TOX2: variants seen among roughly 807,000 people sequenced by gnomAD.
The protein encoded by TOX2 is TOX high mobility group box family member 2.
TOX2 carries 15 observed loss-of-function variants against 47.4 expected under a neutral mutation model. The ratio of observed to expected loss-of-function variants is 0.32; its 90% CI spans 0.21 to 0.49. The LOEUF (loss-of-function observed/expected upper bound fraction) is 0.49, where lower values mean the gene tolerates loss of function less well. Among genes scored for constraint, TOX2 ranks in the 20% least tolerant of loss-of-function variants. TOX2 has a pLI of 0.99. For missense variants in TOX2, 622 were observed against 673.1 expected (o/e 0.92, Z 0.84); for synonymous variants, 290 against 296.6 (o/e 0.98, Z 0.23).
At chr20:44,023,450 A>AAAAT (rs2071009785) in intron 3 of TOX2, among the ~76,000 whole-genome samples, 1 of 151,142 alleles carries the variant, frequency 6.6e-6, no homozygotes, top group Non-Finnish European at 1.5e-5. Flanking sequence ...AAAAAAAAAA[A>AAAAT]GGAGGGAAAG....
chr20:43,944,825 C>T (rs577182911), intron 1 of TOX2, among the ~76,000 whole-genome samples: 5 of 152,302 alleles, frequency 3.3e-5, no homozygotes, highest in Admixed American at 3.3e-4. Flanking sequence ...GTACTATTAT[C>T]CCCATTTTAC....
At position 44,068,961 on chromosome 20, in the gene TOX2, G is replaced by A. The variant is rs928719555; in HGVS notation, c.*275G>A. 8.3e-6 allele frequency: 5 copies of A among 604,670 alleles called. No individual in the cohort carries two copies. The highest frequency in any genetic ancestry group is 9.4e-6 in the Non-Finnish European group (3 of 319,880). 37.5% of individuals were successfully genotyped at this position (604,670 alleles called of 1,614,324 possible). The stretch of plus-strand genomic sequence containing the variant: ...ACTGTGGACCCTGTCCTCGCCCTGC[G>A]CACGGTACCCTATGTCTGGACACCC... On this transcript the variant is annotated 3_prime_UTR_variant, in exon 9 of 9. Coordinates refer to ENST00000341197, the MANE Select transcript of TOX2 (RefSeq NM_001098797.2).
At chr20:44,066,989 G>A (rs1172625778) in intron 8 of TOX2, 132 bp downstream of exon 8, 2 of 1,316,112 alleles carry the variant, frequency 1.5e-6, no homozygotes, top group East Asian at 2.5e-5. Flanking sequence ...GCCCTGCTGA[G>A]GGGATCGATA....
At chr20:43,927,855 G>C (rs983198422) in intron 1 of TOX2, among the ~76,000 whole-genome samples, 3 of 144,374 alleles carry the variant, frequency 2.1e-5, no homozygotes, top group Admixed American at 7.2e-5. Flanking sequence ...GCAAGGCTTT[G>C]TGGTAGGTGC....
chr20:44,018,536 A>G (rs1334786737), intron 3 of TOX2, among the ~76,000 whole-genome samples: 2 of 152,186 alleles, frequency 1.3e-5, no homozygotes, highest in Non-Finnish European at 2.9e-5. Context: ...CTGAGAAGCC[A>G]TCTTTGGCTC....
intron 2 of TOX2, among the ~76,000 whole-genome samples, chr20:43,992,288 G>A (rs2070381992): frequency 6.6e-6 from 1 of 152,200 alleles, no homozygotes; most frequent in South Asian, 2.1e-4. Flanking sequence ...TCCCAACCAC[G>A]TGTGGCATGG....
chr20:43,959,942 T>C (rs1443695494), intron 1 of TOX2, among the ~76,000 whole-genome samples: 2 of 152,256 alleles, frequency 1.3e-5, no homozygotes, highest in Admixed American at 1.3e-4. Flanking sequence ...TACAGCCTTC[T>C]CATTAGAGTG....
chr20:43,989,457 C>T (rs2070330007), intron 2 of TOX2, among the ~76,000 whole-genome samples: 1 of 152,138 alleles, frequency 6.6e-6, no homozygotes, highest in Non-Finnish European at 1.5e-5. Context: ...AGTGCCAATT[C>T]ATGAGCTAGG....
At chr20:44,012,535 G>A (rs2070794144) in intron 3 of TOX2, among the ~76,000 whole-genome samples, 1 of 152,168 alleles carries the variant, frequency 6.6e-6, no homozygotes, top group Non-Finnish European at 1.5e-5. Flanking sequence ...CTTGCTGTGG[G>A]ACTCACTTAG....
At chr20:44,001,747 G>A (rs1005447718) in intron 2 of TOX2, among the ~76,000 whole-genome samples, 6 of 151,976 alleles carry the variant, frequency 3.9e-5, no homozygotes, top group East Asian at 3.9e-4. Context: ...GGGAGGTGTC[G>A]GTCAAAACAC....
In TOX2 at chr20:44,066,069, G is replaced by A. The variant is rs1172054539; in HGVS notation, c.1318G>A (p.Val440Met). Residue 440 changes from valine (V) to methionine (M), a missense_variant, in exon 7 of 9, where the codon GTG (valine) becomes ATG (methionine). Physicochemically the swap from Val to Met is conservative, Grantham distance 21 (BLOSUM62 1). Transcript: ENST00000341197. The part of the protein sequence containing the change: ...PVLPTPMALQ[V>M]QLAMSPSPPG... ...CCTGCCCACCCCCATGGCACTCCAGGTGCAGCTGGCGATGAGCCCCTCACC... is the reference window on the plus strand; with the variant it reads ...CCTGCCCACCCCCATGGCACTCCAGATGCAGCTGGCGATGAGCCCCTCACC... The A allele has an allele frequency of 5.7e-6, 9 of 1,572,990 alleles. No individual in the cohort carries two copies. The highest frequency in any genetic ancestry group is 6.9e-6 in the Non-Finnish European group (8 of 1,160,008).
At chr20:43,932,783 C>CACCG (rs11283632) in intron 1 of TOX2, among the ~76,000 whole-genome samples, 1 of 148,974 alleles carries the variant, frequency 6.7e-6, no homozygotes, top group Non-Finnish European at 1.5e-5. Flanking sequence ...TGCCCCCCCC[C>CACCG]GCCATTTCTG....
At chr20:44,032,982 C>T (rs963876038) in intron 3 of TOX2, among the ~76,000 whole-genome samples, 1 of 152,108 alleles carries the variant, frequency 6.6e-6, no homozygotes, top group Non-Finnish European at 1.5e-5. Context: ...TGGCACTTGG[C>T]CTGCAGGGAT....
Position 44,049,087 on chromosome 20 carries a change from G to A in TOX2, c.412-2219G>A, listed in dbSNP as rs148032634. Reference sequence around the variant, plus strand: ...CGCGCCACTGCACTCCAGCCTGCGCGATGCAGCACAACTCTGTCTCAAAAC... The same window carrying A: ...CGCGCCACTGCACTCCAGCCTGCGCAATGCAGCACAACTCTGTCTCAAAAC... On this transcript the variant is annotated intron_variant, in intron 3 of 8. Transcript: ENST00000341197. Among the ~76,000 whole-genome samples the A allele has an allele frequency of 1.7e-3, 263 of 152,338 alleles. 1 individual carries two copies. The highest frequency in any genetic ancestry group is 5.5e-3 in the African/African-American group (227 of 41,588).
rs1386212294 is a variant in TOX2, at chr20:43,953,785, C to T, written c.100-19582C>T. Among the ~76,000 whole-genome samples, 5 of 152,026 alleles carry T rather than the reference C, an allele frequency of 3.3e-5. No individual in the cohort carries two copies. The East Asian group carries it at 7.7e-4, about 23-fold the overall frequency. Reference sequence around the variant, plus strand: ...CTTTGTTTTGAGGACAGAGAGGAGCCTAGTAGGATTTTGAGCAGGGGGGCG... The same window carrying T: ...CTTTGTTTTGAGGACAGAGAGGAGCTTAGTAGGATTTTGAGCAGGGGGGCG... On this transcript the variant is annotated intron_variant, in intron 1 of 8. Coordinates refer to ENST00000341197, the MANE Select transcript of TOX2 (RefSeq NM_001098797.2).
intron 2 of TOX2, among the ~76,000 whole-genome samples, chr20:43,986,052 G>T (rs1485240070): frequency 6.6e-6 from 1 of 152,118 alleles, no homozygotes; most frequent in East Asian, 1.9e-4. Flanking sequence ...CTGCCCAAAG[G>T]CTTTAAAAGT....
At chr20:43,946,659 T>C (rs1315674111) in intron 1 of TOX2, among the ~76,000 whole-genome samples, 1 of 152,180 alleles carries the variant, frequency 6.6e-6, no homozygotes, top group African/African-American at 2.4e-5. Flanking sequence ...CATACTTTCG[T>C]AGAAGAAAGG....
chr20:43,942,907 G>A (rs2069419692), intron 1 of TOX2, among the ~76,000 whole-genome samples: 1 of 152,146 alleles, frequency 6.6e-6, no homozygotes, highest in African/African-American at 2.4e-5. Context: ...AAAAAATGCT[G>A]AGTTTCTTCA....
intron 1 of TOX2, among the ~76,000 whole-genome samples, chr20:43,943,166 C>T (rs761205233): frequency 8.5e-5 from 13 of 152,134 alleles, no homozygotes; most frequent in Admixed American, 2.0e-4. Flanking sequence ...TCGGGGTGCA[C>T]GAGTCAGGGT....
Sources: gnomAD v4.1 joint callset for allele counts (sites outside exome capture counted in the v4.1 genomes callset) on GRCh38, gnomAD v4.1.1 for gene constraint, MANE v1.5 for transcripts, NCBI Gene and HGNC (gene_info 2026-07-23, HGNC 2026-07-21) for gene names.